SPATA21: variants seen among roughly 807,000 people sequenced by gnomAD.
SPATA21 encodes the protein spermatogenesis-associated protein 21.
SPATA21 carries 47 observed loss-of-function variants against 54.8 expected under a neutral mutation model. The ratio of observed to expected loss-of-function variants is 0.86; its 90% confidence interval spans 0.68 to 1.09. The LOEUF is 1.09. Among genes scored for constraint, SPATA21 ranks in the 50% least tolerant of loss-of-function variants. The pLI, the probability that SPATA21 is intolerant of heterozygous loss-of-function variation, is 0.00. For missense variants in SPATA21, 599 were observed against 596.4 expected (o/e 1.00, Z -0.05); for synonymous variants, 245 against 235.3 (o/e 1.04, Z -0.38).
In SPATA21 at chr1:16,404,953, C is replaced by A. The variant is rs1307967393; in HGVS notation, c.811+14G>T. On this transcript the variant is annotated intron_variant, in intron 8 of 12. Coordinates refer to ENST00000335496, the MANE Select transcript of SPATA21 (RefSeq NM_198546.1). ...CCCTGCCTGGGATGCAGAGTGGAGC[C>A]CTCTGCCACTCACCATTGACATCAG... 3.2e-6 allele frequency: 5 copies of A among 1,556,108 alleles called. No individual in the cohort carries two copies. Among genetic ancestry groups the A allele is most frequent in the East Asian group, 2.4e-5 (1 of 42,100 alleles).
intron 10 of SPATA21, among the ~76,000 whole-genome samples, chr1:16,401,771 CT>C (rs2085455663): frequency 6.6e-6 from 1 of 152,202 alleles, no homozygotes; most frequent in African/African-American, 2.4e-5. Flanking sequence ...TGGAGGCCCC[CT>C]GCAACCTGTA....
intron 3 of SPATA21, chr1:16,425,380 A>G: frequency 1.1e-6 from 1 of 897,636 alleles, no homozygotes; most frequent in South Asian, 1.6e-5. Flanking sequence ...TCCTGGGCTC[A>G]AGGGATCACC....
At chr1:16,397,971 C>T (rs1277198181), downstream of SPATA21, 1 of 695,652 alleles carries the variant, frequency 1.4e-6, no homozygotes, top group African/African-American at 1.9e-5. This position sits in a 1 kb window ranked among gnomAD's most constrained non-coding sequence, Gnocchi z 5.4. Context: ...TGCACATGGG[C>T]CCCTTGGGTG....
chr1:16,421,484 C>G lies in SPATA21; in HGVS notation c.144+25G>C, dbSNP rs1469056409. ...TGCCTTTCTCCTACACAGCTCGTCC[C>G]CGTTCCCCCTATGGCCCTACTTACT... On this transcript the variant is annotated intron_variant, in intron 5 of 12. Coordinates refer to ENST00000335496, the MANE Select transcript of SPATA21 (RefSeq NM_198546.1). This position sits in a 1 kb window ranked among gnomAD's most constrained non-coding sequence, Gnocchi z 5.2. 1.9e-6 allele frequency: 3 copies of G among 1,608,202 alleles called. No individual in the cohort carries two copies. Among genetic ancestry groups the G allele is most frequent in the Non-Finnish European group, 2.5e-6 (3 of 1,177,352 alleles).
chr1:16,417,725 G>A (rs1286507250), intron 5 of SPATA21, among the ~76,000 whole-genome samples: 8 of 150,974 alleles, frequency 5.3e-5, no homozygotes, highest in Non-Finnish European at 8.9e-5. Context: ...ATGAGTCACC[G>A]TGCCCGGCCA....
intron 5 of SPATA21, among the ~76,000 whole-genome samples, chr1:16,413,028 C>A (rs530822993): frequency 6.6e-6 from 1 of 151,216 alleles, no homozygotes. Context: ...TTGATCCGCC[C>A]GCCTTGGCCT....
chr1:16,404,557 C>A (rs1168371839), intron 8 of SPATA21, among the ~76,000 whole-genome samples: 3 of 152,204 alleles, frequency 2.0e-5, no homozygotes, highest in African/African-American at 7.2e-5. Flanking sequence ...TGGCTCACGC[C>A]TGTGATCCCA....
In SPATA21 at chr1:16,408,161, G is replaced by A. The variant is rs111275924; in HGVS notation, c.673+957C>T. The stretch of plus-strand genomic sequence containing the variant: ...TCCAGCGAAGACAGAGGAAGGGGCC[G>A]CTGTGGCCAAGAGGGTTGCAGGCTT... On this transcript the variant is annotated intron_variant, in intron 7 of 12. Coordinates refer to ENST00000335496, the MANE Select transcript of SPATA21 (RefSeq NM_198546.1). Among the ~76,000 whole-genome samples, 840 of 152,328 alleles carry A rather than the reference G, an allele frequency of 5.5e-3. 2 individuals carry two copies. Among genetic ancestry groups the A allele is most frequent in the Admixed American group, 0.012 (180 of 15,290 alleles).
At chr1:16,434,806 G>A (rs1364987807) in intron 1 of SPATA21, among the ~76,000 whole-genome samples, 1 of 152,068 alleles carries the variant, frequency 6.6e-6, no homozygotes, top group Non-Finnish European at 1.5e-5. Flanking sequence ...GCATATGACT[G>A]CTCCAATTTT....
At chr1:16,397,030 A>G (rs1464120737), downstream of SPATA21, 1 of 152,268 alleles carries the variant, frequency 6.6e-6, no homozygotes, top group African/African-American at 2.4e-5. The surrounding 1 kb of genome is among the most constrained non-coding windows in gnomAD (Gnocchi z 5.4). Context: ...TCCCTTATGT[A>G]ATAGTGGTTT....
rs2085544179 is a variant in SPATA21, at chr1:16,404,002, C to T, written c.849G>A (p.Val283=). 1 of 1,563,430 alleles carries T rather than the reference C, an allele frequency of 6.4e-7. No homozygotes were observed. The highest frequency in any genetic ancestry group is 1.2e-5 in the South Asian group (1 of 85,558). ...GRVDFKDFLA[V]MTDTRRFFCS... is the part of the protein sequence containing the mutation. ...AGAAGAAGCGCCTGGTGTCTGTCATCACAGCCAAGAAGTCTTTGAAGTCCA... is the reference window on the plus strand; with the variant it reads ...AGAAGAAGCGCCTGGTGTCTGTCATTACAGCCAAGAAGTCTTTGAAGTCCA... The change falls in exon 9 of 13, where the codon GTG becomes GTA. Residue 283 remains valine (V), a synonymous_variant. Coordinates refer to ENST00000335496, the MANE Select transcript of SPATA21 (RefSeq NM_198546.1).
intron 11 of SPATA21, 29 bp from the exon 12 acceptor site, chr1:16,399,550 T>G (rs776305501): frequency 3.6e-5 from 58 of 1,605,338 alleles, no homozygotes; most frequent in Non-Finnish European, 4.8e-5. Context: ...GAAGGAGGAA[T>G]GCTTCACAGC....
In SPATA21 at chr1:16,400,799, GT is replaced by G; in HGVS notation, c.1094del (p.Asn365ThrfsTer19). The G allele has an allele frequency of 1.2e-6, 2 of 1,611,748 alleles. No individual in the cohort carries two copies. Among genetic ancestry groups the G allele is most frequent in the South Asian group, 2.2e-5 (2 of 91,070 alleles). ...GRLRLQKLPY[N>X]PQQEESSEVP... ...CTTCTGAGCTCTCTTCTTGCTGGGG[GT>G]TGTAGGGAAGCTTCTGCAACCGCAG... On this transcript the variant is annotated frameshift_variant, in exon 11 of 13. Transcript: ENST00000335496. LOFTEE classifies it high-confidence loss of function.
Position 16,400,338 on chromosome 1 carries a change from T to C in SPATA21, c.1174+382A>G, listed in dbSNP as rs114497177. The C allele has an allele frequency of 2.1e-3, 1,402 of 678,460 alleles. 17 individuals are homozygous for C. In the African/African-American group the frequency reaches 0.026, roughly 12 times the overall value. The allele number at this position is 678,460 out of a possible 1,614,324, so 42.0% of individuals were successfully genotyped here. A position where few individuals can be genotyped will look rare whatever the true frequency, so the allele number is the denominator to read the frequency against. On this transcript the variant is annotated intron_variant, in intron 11 of 12. Transcript: ENST00000335496. ...GGGTCAGTTTCATTTTTCTAATCTGTAAAATGGGGTAAATACATGATTATG... is the reference window on the plus strand; with the variant it reads ...GGGTCAGTTTCATTTTTCTAATCTGCAAAATGGGGTAAATACATGATTATG...
chr1:16,398,030 TC>T, downstream of SPATA21: 6 of 893,868 alleles, frequency 6.7e-6, no homozygotes, highest in Non-Finnish European at 8.0e-6. Context: ...GCAGTCTTAC[TC>T]TGCTGGTGTA....
intron 3 of SPATA21, among the ~76,000 whole-genome samples, chr1:16,424,259 G>A (rs1470682496): frequency 2.5e-4 from 4 of 16,000 alleles, no homozygotes; most frequent in African/African-American, 5.2e-4. Context: ...CTTGCAGTGA[G>A]CCGAGATTGC....
At chr1:16,425,750 G>C (rs1191226285) in intron 3 of SPATA21, 1 of 1,542,278 alleles carries the variant, frequency 6.5e-7, no homozygotes, top group East Asian at 2.5e-5. Flanking sequence ...AATAGACAAA[G>C]TGACACTTTA....
intron 1 of SPATA21, among the ~76,000 whole-genome samples, chr1:16,435,197 G>T (rs1404577644): frequency 6.6e-6 from 1 of 152,088 alleles, no homozygotes; most frequent in African/African-American, 2.4e-5. Flanking sequence ...GGATGTGAGT[G>T]TAAAGTGTTA....
chr1:16,398,656 G>T lies in SPATA21; in HGVS notation c.*109C>A. On this transcript the variant is annotated 3_prime_UTR_variant, in exon 13 of 13. Transcript: ENST00000335496. ...AGGCACAGAGGCTGAAGTTATTGGT[G>T]TTTATTAGCTCACCAGGCCACAAAA... The T allele has an allele frequency of 8.0e-7, 1 of 1,249,598 alleles. No homozygotes were observed. Among genetic ancestry groups the T allele is most frequent in the Non-Finnish European group, 1.2e-6 (1 of 867,768 alleles). 77.4% of individuals were successfully genotyped at this position (1,249,598 alleles called of 1,614,324 possible). A position where few individuals can be genotyped will look rare whatever the true frequency, so the allele number is the denominator to read the frequency against.
Sources: allele counts gnomAD v4.1 joint callset (sites outside exome capture counted in the v4.1 genomes callset), GRCh38; gene constraint gnomAD v4.1.1; non-coding constraint Gnocchi (gnomAD v3.1); transcripts MANE v1.5; gene names NCBI Gene and HGNC (gene_info 2026-07-23, HGNC 2026-07-21).